EVL: variants seen among roughly 807,000 people sequenced by gnomAD.
The protein encoded by EVL is ena/VASP-like protein.
Under a neutral mutation model 59.6 loss-of-function variants are expected in EVL, and 21 were observed. The ratio of observed to expected loss-of-function variants is 0.35; its 90% CI spans 0.25 to 0.51. The LOEUF is 0.51. Ranked by LOEUF, EVL falls within the 20% of genes least tolerant of loss-of-function variation. The pLI is 0.97. For missense variants in EVL, 462 were observed against 546.6 expected, an observed-to-expected ratio of 0.85 and a Z score of 1.54; for synonymous variants, 198 against 203.5, an observed-to-expected ratio of 0.97 and a Z score of 0.23.
At chr14:99,982,658 T>A (rs2060815114) in intron 1 of EVL, among the ~76,000 whole-genome samples, 1 of 152,208 alleles carries the variant, frequency 6.6e-6, no homozygotes, top group African/African-American at 2.4e-5. Context: ...TGTTCCCAGT[T>A]CCTCTGTGAG....
intron 11 of EVL, chr14:100,138,051 G>C (rs186100714): frequency 3.4e-6 from 2 of 584,346 alleles, no homozygotes; most frequent in Non-Finnish European, 6.1e-6. Flanking sequence ...TGCAGGGGGG[G>C]GCCAACATGG....
chr14:100,131,056 G>A (rs1032928019), intron 7 of EVL, among the ~76,000 whole-genome samples: 50 of 152,326 alleles, frequency 3.3e-4, no homozygotes, highest in African/African-American at 1.1e-3. Flanking sequence ...GAAGGCTGAC[G>A]CCCCCTGTGC....
At chr14:100,081,670 C>T (rs1259624864) in intron 1 of EVL, among the ~76,000 whole-genome samples, 4 of 152,208 alleles carry the variant, frequency 2.6e-5, no homozygotes, top group East Asian at 3.8e-4. Flanking sequence ...GCTTCACCCC[C>T]ACCTAGTGCT....
At chr14:100,036,837 C>T (rs528441533) in intron 1 of EVL, among the ~76,000 whole-genome samples, 35 of 152,192 alleles carry the variant, frequency 2.3e-4, no homozygotes, top group Middle Eastern at 3.4e-3. Context: ...GGTTGAAGCC[C>T]CTGACCTCAG....
At chr14:100,084,332 A>G (rs1418528348) in intron 1 of EVL, among the ~76,000 whole-genome samples, 3 of 152,192 alleles carry the variant, frequency 2.0e-5, no homozygotes, top group Non-Finnish European at 4.4e-5. Flanking sequence ...GGCATGAGCT[A>G]CCGTGCCTGG....
chr14:100,075,107 A>C (rs1423311810), intron 1 of EVL, among the ~76,000 whole-genome samples: 1 of 152,216 alleles, frequency 6.6e-6, no homozygotes, highest in East Asian at 1.9e-4. Context: ...TGGTTTGAGC[A>C]TTGTGTGAAG....
intron 1 of EVL, among the ~76,000 whole-genome samples, chr14:99,996,264 G>T (rs2060913251): frequency 6.6e-6 from 1 of 151,850 alleles, no homozygotes; most frequent in Non-Finnish European, 1.5e-5. Flanking sequence ...TGGCATACTT[G>T]GGGTACAGAA....
At chr14:100,001,257 T>A (rs947098250) in intron 1 of EVL, among the ~76,000 whole-genome samples, 25 of 151,880 alleles carry the variant, frequency 1.6e-4, no homozygotes, top group African/African-American at 5.8e-4. Context: ...TGATTTCAAA[T>A]TAGGAAAAAA....
intron 1 of EVL, among the ~76,000 whole-genome samples, chr14:100,077,905 T>C (rs2062199810): frequency 6.6e-6 from 1 of 152,064 alleles, no homozygotes; most frequent in Non-Finnish European, 1.5e-5. Flanking sequence ...CCGGAGTAGC[T>C]GGGACTACAA....
intron 7 of EVL, among the ~76,000 whole-genome samples, chr14:100,131,445 C>T (rs1888430628): frequency 6.6e-6 from 1 of 152,186 alleles, no homozygotes; most frequent in Non-Finnish European, 1.5e-5. Flanking sequence ...GTGCCCTTGC[C>T]AGGTTTCTTT....
At chr14:100,118,755 T>A (rs906647862) in intron 3 of EVL, among the ~76,000 whole-genome samples, 2 of 152,194 alleles carry the variant, frequency 1.3e-5, no homozygotes, top group African/African-American at 4.8e-5. Flanking sequence ...TGGCTGAGTC[T>A]GGCCCAGCCT....
intron 3 of EVL, among the ~76,000 whole-genome samples, chr14:100,103,307 C>T (rs1410621728): frequency 1.3e-5 from 2 of 151,876 alleles, no homozygotes; most frequent in Non-Finnish European, 2.9e-5. Context: ...GGCACACAGC[C>T]AAGGACAGAT....
chr14:99,996,279 C>T (rs1486136900), intron 1 of EVL, among the ~76,000 whole-genome samples: 1 of 151,912 alleles, frequency 6.6e-6, no homozygotes, highest in Non-Finnish European at 1.5e-5. Context: ...ACAGAAACCT[C>T]TTAACTGGTT....
chr14:100,019,719 G>C, intron 1 of EVL: 1 of 1,529,616 alleles, frequency 6.5e-7, no homozygotes, highest in Middle Eastern at 1.7e-4. Context: ...TCAGTCTGCT[G>C]CTGGCTTTTT....
rs1310162883 is a variant in EVL, at chr14:100,136,001, G to A, written c.964+33G>A. The A allele has an allele frequency of 2.5e-6, 4 of 1,611,152 alleles. No homozygotes were observed. The South Asian group carries it at 3.3e-5, about 13-fold the overall frequency. On this transcript the variant is annotated intron_variant, in intron 9 of 13. Coordinates refer to ENST00000392920, the MANE Select transcript of EVL (RefSeq NM_016337.3). The stretch of plus-strand genomic sequence containing the variant: ...GGCGCCCCCCGCTGACCCCAGTGAG[G>A]CATGAGGTCTCAGAGTGGGAGGGGG...
intron 1 of EVL, among the ~76,000 whole-genome samples, chr14:100,015,158 C>T (rs2061041004): frequency 6.6e-6 from 1 of 152,162 alleles, no homozygotes; most frequent in Non-Finnish European, 1.5e-5. Context: ...CTCAAGTCCA[C>T]GGGACATCAG....
intron 1 of EVL, among the ~76,000 whole-genome samples, chr14:100,004,859 C>A (rs983935550): frequency 5.3e-5 from 8 of 152,024 alleles, no homozygotes; most frequent in Non-Finnish European, 7.4e-5. Flanking sequence ...AAAAAGGACA[C>A]ATGTATTTTT....
intron 1 of EVL, among the ~76,000 whole-genome samples, chr14:100,052,097 C>G (rs567455193): frequency 6.6e-6 from 1 of 152,340 alleles, no homozygotes; most frequent in African/African-American, 2.4e-5. Context: ...AGGCTACCAA[C>G]TCATGGTGCA....
chr14:100,031,608 T>G (rs1595588863), intron 1 of EVL, among the ~76,000 whole-genome samples: 1 of 152,184 alleles, frequency 6.6e-6, no homozygotes, highest in Non-Finnish European at 1.5e-5. Context: ...TGGTTCGTGG[T>G]CTTTCCTGGG....
Sources: allele counts gnomAD v4.1 joint callset (sites outside exome capture counted in the v4.1 genomes callset), GRCh38; gene constraint gnomAD v4.1.1; transcripts MANE v1.5; gene names NCBI Gene and HGNC (gene_info 2026-07-23, HGNC 2026-07-21).